Variants in SDK1 observed in about 807,000 individuals in gnomAD.
SDK1 encodes protein sidekick-1.
Under a neutral mutation model 245.5 loss-of-function variants are expected in SDK1, and 157 were observed. That is an observed-to-expected ratio of 0.64 (90% CI 0.56 to 0.73). The LOEUF is 0.73. Among genes scored for constraint, SDK1 ranks in the 30% least tolerant of loss-of-function variants. The probability of loss-of-function intolerance (pLI) is 0.00; values close to 1 mark genes in which losing one functional copy is unlikely to be tolerated. For missense variants in SDK1, 3,583 were observed against 3,002.3 expected (o/e 1.19, Z -4.52); for synonymous variants, 1,647 against 1,278.5 (o/e 1.29, Z -6.15).
intron 1 of SDK1, among the ~76,000 whole-genome samples, chr7:3,446,998 G>GT (rs1780361290): frequency 6.6e-6 from 1 of 152,156 alleles, no homozygotes; most frequent in Admixed American, 6.5e-5. Flanking sequence ...AGCAATCTGA[G>GT]TGAATCATGA....
intron 1 of SDK1, among the ~76,000 whole-genome samples, chr7:3,464,154 A>G (rs1170412070): frequency 6.6e-6 from 1 of 152,222 alleles, no homozygotes; most frequent in Non-Finnish European, 1.5e-5. Flanking sequence ...TCCCTGAGTG[A>G]AACCTATACA....
chr7:3,336,084 G>A (rs1780192419), intron 1 of SDK1, among the ~76,000 whole-genome samples: 1 of 152,112 alleles, frequency 6.6e-6, no homozygotes, highest in Non-Finnish European at 1.5e-5. Context: ...ACTCTGAGAA[G>A]AGCCTGTTCC....
intron 13 of SDK1, among the ~76,000 whole-genome samples, chr7:3,982,657 G>T (rs1783501540): frequency 6.6e-6 from 1 of 151,996 alleles, no homozygotes; most frequent in Non-Finnish European, 1.5e-5. Context: ...TGGCTAACAT[G>T]GTGCAACCCC....
At chr7:3,399,186 A>G (rs968969646) in intron 1 of SDK1, among the ~76,000 whole-genome samples, 9 of 152,044 alleles carry the variant, frequency 5.9e-5, no homozygotes, top group South Asian at 2.1e-4. Flanking sequence ...CATAATCTCA[A>G]TGTATCTTTG....
chr7:3,901,246 G>A (rs1583533432), intron 5 of SDK1, among the ~76,000 whole-genome samples: 1 of 151,928 alleles, frequency 6.6e-6, no homozygotes, highest in Admixed American at 6.6e-5. Flanking sequence ...GAGTGTGGTG[G>A]CACGATCTCA....
chr7:4,259,550 A>G (rs921317405), intron 44 of SDK1, among the ~76,000 whole-genome samples: 10 of 152,210 alleles, frequency 6.6e-5, no homozygotes, highest in African/African-American at 2.4e-4. Context: ...TTGGGAGTAC[A>G]TCATATATTA....
At chr7:4,130,370 G>C in intron 27 of SDK1, 2 of 468,424 alleles carry the variant, frequency 4.3e-6, no homozygotes, top group Non-Finnish European at 7.5e-6. Context: ...AGCAGAGGCT[G>C]GGGCGGGGCC....
At chr7:3,812,774 C>A (rs1486396070) in intron 4 of SDK1, among the ~76,000 whole-genome samples, 1 of 152,184 alleles carries the variant, frequency 6.6e-6, no homozygotes, top group African/African-American at 2.4e-5. Flanking sequence ...ATGGCTTTCT[C>A]CTCTGAGCAA....
At chr7:3,484,501 C>G (rs1031518959) in intron 1 of SDK1, among the ~76,000 whole-genome samples, 6 of 152,102 alleles carry the variant, frequency 3.9e-5, no homozygotes, top group African/African-American at 1.4e-4. Flanking sequence ...GAAAAATATC[C>G]TTGTATAAGT....
At chr7:3,434,331 T>C (rs148034968) in intron 1 of SDK1, among the ~76,000 whole-genome samples, 319 of 152,318 alleles carry the variant, frequency 2.1e-3, no homozygotes, top group African/African-American at 7.4e-3. Flanking sequence ...TCCACCTTGT[T>C]CGCCTTGGTT....
At chr7:3,507,348 T>C (rs1782426151) in intron 1 of SDK1, among the ~76,000 whole-genome samples, 1 of 152,190 alleles carries the variant, frequency 6.6e-6, no homozygotes, top group African/African-American at 2.4e-5. Flanking sequence ...TCCTTCTGTT[T>C]TTGTATTCTC....
intron 1 of SDK1, among the ~76,000 whole-genome samples, chr7:3,451,210 G>A (rs558882254): frequency 6.6e-6 from 1 of 151,924 alleles, no homozygotes; most frequent in African/African-American, 2.4e-5. Flanking sequence ...TGGGGGAGAG[G>A]GTGAAAATAT....
intron 22 of SDK1, among the ~76,000 whole-genome samples, chr7:4,097,434 T>C (rs1251239429): frequency 2.0e-5 from 3 of 152,212 alleles, no homozygotes; most frequent in Non-Finnish European, 4.4e-5. Flanking sequence ...GCCTGCTGCA[T>C]AGAAGGAAGG....
chr7:3,631,831 G>A (rs937902078), intron 2 of SDK1, among the ~76,000 whole-genome samples: 2 of 152,160 alleles, frequency 1.3e-5, no homozygotes, highest in Non-Finnish European at 2.9e-5. Context: ...AAACTACTCT[G>A]TAACATAATT....
intron 12 of SDK1, among the ~76,000 whole-genome samples, chr7:3,972,443 C>T (rs911994116): frequency 1.3e-5 from 2 of 152,150 alleles, no homozygotes; most frequent in Non-Finnish European, 2.9e-5. Flanking sequence ...AAAGTAACTG[C>T]AAAATATGAG....
At chr7:3,542,259 C>G (rs1311465793) in intron 1 of SDK1, among the ~76,000 whole-genome samples, 3 of 152,168 alleles carry the variant, frequency 2.0e-5, no homozygotes, top group East Asian at 3.8e-4. Context: ...ACCCTGAAAT[C>G]TAGCGACTGT....
chr7:3,515,255 G>A (rs1782707442), intron 1 of SDK1, among the ~76,000 whole-genome samples: 1 of 152,154 alleles, frequency 6.6e-6, no homozygotes, highest in Admixed American at 6.6e-5. Flanking sequence ...ACACCTCTAG[G>A]AGGAAAGAGT....
At chr7:3,654,511 G>C (rs1783102678) in intron 4 of SDK1, among the ~76,000 whole-genome samples, 1 of 152,152 alleles carries the variant, frequency 6.6e-6, no homozygotes, top group South Asian at 2.1e-4. Context: ...GCAATAATAG[G>C]TCAGGATATG....
intron 5 of SDK1, among the ~76,000 whole-genome samples, chr7:3,848,701 T>C (rs959662651): frequency 6.6e-6 from 1 of 151,986 alleles, no homozygotes; most frequent in Admixed American, 6.6e-5. Flanking sequence ...GACAGTGTAT[T>C]GCTCTTGTCA....
Sources: gnomAD v4.1 joint callset for allele counts (sites outside exome capture counted in the v4.1 genomes callset) on GRCh38, gnomAD v4.1.1 for gene constraint, MANE v1.5 for transcripts, NCBI Gene and HGNC (gene_info 2026-07-23, HGNC 2026-07-21) for gene names.